Variants in FBN3 observed in about 807,000 individuals in gnomAD.
FBN3 encodes fibrillin-3.
FBN3 carries 234 observed loss-of-function variants against 330.1 expected under a neutral mutation model. The observed-to-expected ratio is 0.71, with a 90% CI of 0.64 to 0.79. The LOEUF is 0.79. FBN3 is among the 30% of genes least tolerant of loss of function. The pLI is 0.00. For synonymous variants in FBN3, 1,458 were observed against 1,517.3 expected (o/e 0.96, Z 0.91); for missense variants, 3,606 against 3,886.9 (o/e 0.93, Z 1.92).
At chr19:8,075,262 C>T in intron 60 of FBN3, 21 bp downstream of exon 60, 1 of 1,602,392 alleles carries the variant, frequency 6.2e-7, no homozygotes, top group Non-Finnish European at 8.5e-7. Context: ...ACACTAGACC[C>T]CAGCCAAAGC....
At chr19:8,075,741 T>C (rs2081625547) in intron 59 of FBN3, among the ~76,000 whole-genome samples, 1 of 152,198 alleles carries the variant, frequency 6.6e-6, no homozygotes, top group Non-Finnish European at 1.5e-5. Context: ...CATGCGAGAA[T>C]TAAATTAACC....
chr19:8,117,174 C>T lies in FBN3; in HGVS notation c.3581G>A (p.Cys1194Tyr). ...GYSLMPDGRACADVDECEENP... is the reference protein window; with the variant it reads ...GYSLMPDGRAYADVDECEENP... ...AAGAAGTTGTGCCCACCTACCTGCA[C>T]ATGCCCTTCCGTCGGGCATCAGCGA... Residue 1194 changes from cysteine (C) to tyrosine (Y), a missense_variant, in exon 28 of 64, where the codon TGT becomes TAT. By Grantham distance (194) the Cys-to-Tyr change is radical (BLOSUM62 -2). Transcript: ENST00000600128. 2 of 1,614,094 alleles carry T rather than the reference C, an allele frequency of 1.2e-6. No homozygotes were observed. The highest frequency in any genetic ancestry group is 1.7e-5 in the Admixed American group (1 of 60,024).
intron 57 of FBN3, among the ~76,000 whole-genome samples, chr19:8,082,530 G>T (rs1351358937): frequency 1.4e-5 from 2 of 140,814 alleles, no homozygotes; most frequent in Non-Finnish European, 3.0e-5. Flanking sequence ...GTCTCACTCT[G>T]TTGTCCAGAC....
Position 8,109,404 on chromosome 19 carries a change from G to A in FBN3, c.4457-16C>T. On this transcript the variant is annotated splice_polypyrimidine_tract_variant and intron_variant, in intron 35 of 63. Coordinates refer to ENST00000600128, the MANE Select transcript of FBN3 (RefSeq NM_032447.5). This position sits in a 1 kb window ranked among gnomAD's most constrained non-coding sequence, Gnocchi z 5.2. ...GCCCGAGTGTCTGAACAGGCAGAAG[G>A]GGATGGTTAGTAGGTGTCAGAGGGA... 1 of 1,614,102 alleles carries A rather than the reference G, an allele frequency of 6.2e-7. No homozygotes were observed. Among genetic ancestry groups the A allele is most frequent in the Non-Finnish European group, 8.5e-7 (1 of 1,179,964 alleles).
At position 8,131,672 on chromosome 19, in the gene FBN3, G is replaced by C. The variant is rs746511749; in HGVS notation, c.1872C>G (p.Ile624Met). 3 of 1,614,074 alleles carry C rather than the reference G, an allele frequency of 1.9e-6. No individual in the cohort carries two copies. Among genetic ancestry groups the C allele is most frequent in the Non-Finnish European group, 2.5e-6 (3 of 1,180,040 alleles). Residue 624 changes from isoleucine (I) to methionine (M), a missense_variant, in exon 15 of 64, where the codon ATC (isoleucine) becomes ATG (methionine). Transcript: ENST00000600128. The surrounding 1 kb of genome is among the most constrained non-coding windows in gnomAD (Gnocchi z 4.5). ...THVRSTCYGA[I>M]EKGSCARPFP... is the part of the protein sequence containing the mutation. ...AGGGGCGGGCACAGGAGCCCTTCTC[G>C]ATGGCCCCATAGCAGGTGCTGCGCA...
chr19:8,130,187 C>G (rs184946936), intron 16 of FBN3, among the ~76,000 whole-genome samples: 1 of 151,634 alleles, frequency 6.6e-6, no homozygotes, highest in Non-Finnish European at 1.5e-5. Context: ...CGTGAGCCAC[C>G]GCATCTGGCC....
At chr19:8,143,502 T>TTTC (rs2083462095) in intron 6 of FBN3, among the ~76,000 whole-genome samples, 1 of 147,986 alleles carries the variant, frequency 6.8e-6, no homozygotes, top group Non-Finnish European at 1.5e-5. Flanking sequence ...CTTTTCTTTT[T>TTTC]TTTTTTTTTT....
In FBN3 at chr19:8,081,128, C is replaced by T. The variant is rs372315575; in HGVS notation, c.7337-9G>A. 117 of 1,610,422 alleles carry T rather than the reference C, an allele frequency of 7.3e-5. No homozygotes were observed. The highest frequency in any genetic ancestry group is 2.2e-4 in the East Asian group (10 of 44,874). On this transcript the variant is annotated splice_polypyrimidine_tract_variant and intron_variant, in intron 58 of 63. Transcript: ENST00000600128. ...GGTGCATTCGTCCAGGTCTGCAGCACGGATGGTCCAGCAGGCTCAGGGCAG... is the reference window on the plus strand; with the variant it reads ...GGTGCATTCGTCCAGGTCTGCAGCATGGATGGTCCAGCAGGCTCAGGGCAG...
chr19:8,136,196 A>G lies in FBN3; in HGVS notation c.1459T>C (p.Cys487Arg). 6.2e-7 allele frequency: 1 copy of G among 1,613,602 alleles called. No individual in the cohort carries two copies. ...GFQATPTRQACVDVDECIVSG... is the reference protein window; with the variant it reads ...GFQATPTRQARVDVDECIVSG... The stretch of plus-strand genomic sequence containing the variant: ...CTTGGATGGACAGCCGTACCCACGC[A>G]TGCCTGCCTGGTGGGCGTGGCCTGG... The change falls in exon 12 of 64, where the codon TGC (cysteine) becomes CGC (arginine). Residue 487 changes from cysteine to arginine, a missense_variant. Cys to Arg is a radical substitution (Grantham distance 180). Coordinates refer to ENST00000600128, the MANE Select transcript of FBN3 (RefSeq NM_032447.5).
intron 30 of FBN3, 41 bp from the exon 31 acceptor site, chr19:8,112,140 A>T (rs760646452): frequency 6.3e-7 from 1 of 1,598,414 alleles, no homozygotes; most frequent in Non-Finnish European, 8.5e-7. Flanking sequence ...CCAGTCACAG[A>T]AGGAAAGACT....
Position 8,066,052 on chromosome 19 carries a change from C to T in FBN3, c.8297G>A (p.Arg2766Lys). 6.2e-7 allele frequency: 1 copy of T among 1,613,252 alleles called. No homozygotes were observed. The highest frequency in any genetic ancestry group is 8.5e-7 in the Non-Finnish European group (1 of 1,179,978). The change falls in exon 64 of 64, where the codon AGG (arginine) becomes AAG (lysine). Residue 2766 changes from arginine (R) to lysine (K), a missense_variant. By Grantham distance (26) the Arg-to-Lys change is conservative. Coordinates refer to ENST00000600128, the MANE Select transcript of FBN3 (RefSeq NM_032447.5). ...RGVSSLQLGR[R>K]RPGPGTYRLE... ...CCGGTAGGTTCCAGGCCCCGGCCGC[C>T]TCCGCCCCAGCTGCAGGGAGCTGAC...
intron 22 of FBN3, among the ~76,000 whole-genome samples, chr19:8,124,630 C>T (rs1158030259): frequency 2.0e-5 from 3 of 151,552 alleles, no homozygotes; most frequent in African/African-American, 7.3e-5. Flanking sequence ...CTCCGCCTCC[C>T]GGGTTCAAGC....
Position 8,110,159 on chromosome 19 carries a change from G to A in FBN3, c.4334-406C>T, listed in dbSNP as rs56397782. Among the ~76,000 whole-genome samples the A allele has an allele frequency of 1.0e-2, 1,515 of 152,260 alleles. 9 individuals are homozygous for A. The highest frequency in any genetic ancestry group is 0.015 in the Non-Finnish European group (1,033 of 68,018). ...CAGCCTCAAACTCCTGGGCTCAAGC[G>A]ATCCTTCTGCCTCAGCCTTTGGAGT... On this transcript the variant is annotated intron_variant, in intron 34 of 63. Coordinates refer to ENST00000600128, the MANE Select transcript of FBN3 (RefSeq NM_032447.5).
rs2083078029 is a variant in FBN3, at chr19:8,129,577, G to A, written c.2045-212C>T. On this transcript the variant is annotated intron_variant, in intron 16 of 63. Transcript: ENST00000600128. The surrounding 1 kb of genome is among the most constrained non-coding windows in gnomAD (Gnocchi z 4.5). ...GGCCAGATCATTTTTTGCTGTGAGG[G>A]GCCATCCCACGCATTTTAGGATGTC... Among the ~76,000 whole-genome samples the A allele has an allele frequency of 6.6e-6, 1 of 151,940 alleles. No homozygotes were observed. Among genetic ancestry groups the A allele is most frequent in the Admixed American group, 6.6e-5 (1 of 15,236 alleles).
chr19:8,117,335 G>T (rs1393850133), intron 27 of FBN3, 44 bp from the exon 28 acceptor site: 10 of 1,507,716 alleles, frequency 6.6e-6, no homozygotes, highest in Non-Finnish European at 9.0e-6. Context: ...GGGGGGAGGG[G>T]TCCAGGATGG....
chr19:8,070,256 CTT>C (rs1358831129), intron 63 of FBN3, among the ~76,000 whole-genome samples: 2 of 152,130 alleles, frequency 1.3e-5, no homozygotes, highest in African/African-American at 4.8e-5. Flanking sequence ...CCATGTCTCA[CTT>C]TGTTTTTCCC....
chr19:8,110,347 C>T (rs908375643), intron 34 of FBN3, among the ~76,000 whole-genome samples: 4 of 152,200 alleles, frequency 2.6e-5, no homozygotes, highest in African/African-American at 9.6e-5. Flanking sequence ...GCATGAGCCA[C>T]CACTCCCAGC....
chr19:8,111,283 A>G, intron 32 of FBN3, 100 bp from the exon 33 acceptor site: 1 of 1,425,386 alleles, frequency 7.0e-7, no homozygotes, highest in Non-Finnish European at 9.4e-7. Flanking sequence ...GCTGTCAGCC[A>G]GAGTCCCAGG....
rs765326205 is a variant in FBN3, at chr19:8,088,105, C to A, written c.6451G>T (p.Ala2151Ser). Residue 2151 changes from alanine to serine, a missense_variant, in exon 52 of 64, where the codon GCC (alanine) becomes TCC (serine). By Grantham distance (99) the Ala-to-Ser change is moderately conservative. Coordinates refer to ENST00000600128, the MANE Select transcript of FBN3 (RefSeq NM_032447.5). The stretch of plus-strand genomic sequence containing the variant: ...CCAGGCTCAAAGCCGTCAGCACAGG[C>A]ACATTCGAAGCCTCCGATGACATTG... Reference protein sequence around the residue: ...CTNVIGGFECACADGFEPGLM... With the variant: ...CTNVIGGFECSCADGFEPGLM... 6.2e-7 allele frequency: 1 copy of A among 1,614,104 alleles called. No homozygotes were observed. The highest frequency in any genetic ancestry group is 1.3e-5 in the African/African-American group (1 of 75,036).
Sources: gnomAD v4.1 joint callset for allele counts (sites outside exome capture counted in the v4.1 genomes callset) on GRCh38, gnomAD v4.1.1 for gene constraint, Gnocchi (gnomAD v3.1) non-coding constraint, MANE v1.5 for transcripts, NCBI Gene and HGNC (gene_info 2026-07-23, HGNC 2026-07-21) for gene names.